KANSL3: variants seen among roughly 807,000 people sequenced by gnomAD.
The protein encoded by KANSL3 is NSL complex protein NSL3.
In KANSL3, 16 loss-of-function variants were observed where a neutral mutation model predicts 89.2. The observed-to-expected ratio is 0.18, with a 90% CI of 0.12 to 0.27. KANSL3 has a LOEUF of 0.27. Among genes scored for constraint, KANSL3 ranks in the 10% least tolerant of loss-of-function variants. The probability of loss-of-function intolerance (pLI) is 1.00; values close to 1 mark genes in which losing one functional copy is unlikely to be tolerated. For synonymous variants in KANSL3, 385 were observed against 419.7 expected, an observed-to-expected ratio of 0.92 and a Z score of 1.01; for missense variants, 879 against 1,110.6, an observed-to-expected ratio of 0.79 and a Z score of 2.96.
At chr2:96,615,780 C>A (rs543118205) in intron 5 of KANSL3, among the ~76,000 whole-genome samples, 1 of 152,084 alleles carries the variant, frequency 6.6e-6, no homozygotes, top group Non-Finnish European at 1.5e-5. Flanking sequence ...AAGAAATATT[C>A]GTGCAACTGC....
At chr2:96,597,904 G>A (rs1169451971) in intron 20 of KANSL3, among the ~76,000 whole-genome samples, 2 of 152,086 alleles carry the variant, frequency 1.3e-5, no homozygotes, top group African/African-American at 4.8e-5. Context: ...CCCAGCCTAC[G>A]TCCATTCTAT....
At chr2:96,620,910 G>C (rs1399156447) in intron 3 of KANSL3, among the ~76,000 whole-genome samples, 1 of 152,050 alleles carries the variant, frequency 6.6e-6, no homozygotes, top group Non-Finnish European at 1.5e-5. Context: ...CCTGAGGTGG[G>C]AGAATCGCTT....
intron 9 of KANSL3, 145 bp from the exon 10 acceptor site, chr2:96,611,283 A>G: frequency 5.9e-6 from 4 of 673,170 alleles, no homozygotes; most frequent in South Asian, 5.2e-5. Flanking sequence ...TTCTGCCACA[A>G]TGGCAGCAGT....
chr2:96,619,109 C>T (rs1396465267), intron 5 of KANSL3, among the ~76,000 whole-genome samples: 2 of 152,168 alleles, frequency 1.3e-5, no homozygotes, highest in African/African-American at 4.8e-5. Flanking sequence ...AGCTGCAAGG[C>T]TAGGAAGGCT....
In KANSL3 at chr2:96,631,094, C is replaced by T. The variant is rs1157684397; in HGVS notation, c.386+218G>A. ...TATATGCCTACTGTGTGCCAGACAA[C>T]GTCCTAGTGTGAAGTATGCAAAGAT... On this transcript the variant is annotated intron_variant, in intron 3 of 20. Coordinates refer to ENST00000431828, the MANE Select transcript of KANSL3 (RefSeq NM_001115016.3). Among the ~76,000 whole-genome samples, 4 of 152,170 alleles carry T rather than the reference C, an allele frequency of 2.6e-5. No individual in the cohort carries two copies. In the South Asian group the frequency reaches 8.3e-4, roughly 31 times the overall value.
chr2:96,592,114 T>C (rs1298790685), downstream of KANSL3, among the ~76,000 whole-genome samples: 9 of 152,134 alleles, frequency 5.9e-5, no homozygotes, highest in Admixed American at 5.9e-4. Flanking sequence ...TTGACCTGAC[T>C]GCTCAAGTCA....
the KANSL3 span, among the ~76,000 whole-genome samples, chr2:96,580,860 A>C: frequency 1.3e-5 from 2 of 152,240 alleles, no homozygotes; most frequent in Non-Finnish European, 2.9e-5. Context: ...CCAGGATTCC[A>C]GCCCATGAGA....
downstream of KANSL3, among the ~76,000 whole-genome samples, chr2:96,589,264 G>A (rs544116634): frequency 1.3e-5 from 2 of 152,252 alleles, no homozygotes; most frequent in Admixed American, 6.5e-5. Flanking sequence ...TTAAAAGAAT[G>A]ATATTGGTAT....
intron 5 of KANSL3, chr2:96,615,628 A>G: frequency 1.7e-6 from 1 of 599,692 alleles, no homozygotes; most frequent in South Asian, 1.7e-5. Context: ...AATAAAAAGT[A>G]CTACGGTTTG....
In KANSL3 at chr2:96,595,404, AGATC is replaced by A; in HGVS notation, c.*203_*206del. The A allele has an allele frequency of 1.9e-6, 1 of 538,162 alleles. No homozygotes were observed. The allele number at this position is 538,162 out of a possible 1,614,324, so 33.3% of individuals were successfully genotyped here. A position where few individuals can be genotyped will look rare whatever the true frequency, so the allele number is the denominator to read the frequency against. On this transcript the variant is annotated 3_prime_UTR_variant, in exon 21 of 21. Coordinates refer to ENST00000431828, the MANE Select transcript of KANSL3 (RefSeq NM_001115016.3). ...TGGGGTTCCCAGGAACCAGATTTGC[AGATC>A]CTGGACGATGGTGCTTCCCTTGCTG... is the stretch of plus-strand genomic sequence containing the variant.
chr2:96,622,241 A>G (rs1165281473), intron 3 of KANSL3, among the ~76,000 whole-genome samples: 1 of 152,122 alleles, frequency 6.6e-6, no homozygotes, highest in Admixed American at 6.5e-5. Flanking sequence ...TTGGGCAACA[A>G]AGTGAGACCT....
intron 5 of KANSL3, among the ~76,000 whole-genome samples, chr2:96,617,061 T>C (rs935193225): frequency 6.6e-6 from 1 of 152,138 alleles, no homozygotes; most frequent in African/African-American, 2.4e-5. Flanking sequence ...GAGGAGAACA[T>C]ATGTGAAGAT....
chr2:96,587,217 G>A, the KANSL3 span, among the ~76,000 whole-genome samples: 2 of 152,204 alleles, frequency 1.3e-5, no homozygotes, highest in African/African-American at 2.4e-5. Context: ...TGCCATTAGA[G>A]ACCATGTGGT....
At chr2:96,616,739 G>A (rs141292160) in intron 5 of KANSL3, among the ~76,000 whole-genome samples, 1,648 of 152,294 alleles carry the variant, frequency 0.011, 18 homozygotes, top group Admixed American at 0.032. Flanking sequence ...GCTGACTGGT[G>A]TACCAGCGAG....
chr2:96,592,935 G>A (rs530696409), downstream of KANSL3, among the ~76,000 whole-genome samples: 5 of 152,044 alleles, frequency 3.3e-5, no homozygotes, highest in African/African-American at 4.8e-5. Context: ...CACAGGAGGC[G>A]GAAGTTGCAG....
At chr2:96,600,766 A>G in intron 20 of KANSL3, 1 of 985,444 alleles carries the variant, frequency 1.0e-6, no homozygotes. Context: ...AAATTAGATC[A>G]GCTAAGAGAA....
chr2:96,627,116 A>G (rs1170925196), intron 3 of KANSL3, among the ~76,000 whole-genome samples: 1 of 152,254 alleles, frequency 6.6e-6, no homozygotes, highest in African/African-American at 2.4e-5. Context: ...ACAACCACTA[A>G]TGCAGACAAT....
In KANSL3 at chr2:96,604,835, T is replaced by A; in HGVS notation, c.1962A>T (p.Thr654=). Residue 654 remains threonine (T), a synonymous_variant, in exon 16 of 21, where the codon ACA becomes ACT. Coordinates refer to ENST00000431828, the MANE Select transcript of KANSL3 (RefSeq NM_001115016.3). The stretch of plus-strand genomic sequence containing the variant: ...TGGCCCCTGCTGAAGCCTGCCCCAG[T>A]GTCATGGTGATGGGCTTCCCACCTG... ...EAAGGKPITM[T]LGQASAGAKE... 1 of 1,598,940 alleles carries A rather than the reference T, an allele frequency of 6.3e-7. No individual in the cohort carries two copies. Among genetic ancestry groups the A allele is most frequent in the Non-Finnish European group, 8.5e-7 (1 of 1,172,836 alleles).
chr2:96,627,624 C>T (rs896001113), intron 3 of KANSL3, among the ~76,000 whole-genome samples: 1 of 152,180 alleles, frequency 6.6e-6, no homozygotes, highest in African/African-American at 2.4e-5. Context: ...AAAGAGCAAT[C>T]AGTAAACTCT....
Sources: allele counts gnomAD v4.1 joint callset (sites outside exome capture counted in the v4.1 genomes callset), GRCh38; gene constraint gnomAD v4.1.1; transcripts MANE v1.5; gene names NCBI Gene and HGNC (gene_info 2026-07-23, HGNC 2026-07-21).